BBX: variants seen among roughly 807,000 people sequenced by gnomAD.
The protein encoded by BBX is HMG box transcription factor BBX.
BBX carries 30 observed loss-of-function variants against 100.2 expected under a neutral mutation model. The observed-to-expected ratio is 0.30, with a 90% CI of 0.22 to 0.41. The LOEUF is 0.41. Among genes scored for constraint, BBX ranks in the 10% least tolerant of loss-of-function variants. The pLI is 1.00. For synonymous variants in BBX, 376 were observed against 388.1 expected (o/e 0.97, Z 0.37); for missense variants, 1,023 against 1,129.8 (o/e 0.91, Z 1.35).
intron 15 of BBX, among the ~76,000 whole-genome samples, 197 bp downstream of exon 15, chr3:107,791,496 TGTG>T (rs1472410963): frequency 6.6e-6 from 1 of 152,228 alleles, no homozygotes; most frequent in Non-Finnish European, 1.5e-5. Flanking sequence ...CAATGTGTCA[TGTG>T]GTGTTTAATC....
chr3:107,704,054 TG>T (rs1456407105), intron 3 of BBX, among the ~76,000 whole-genome samples: 1 of 152,216 alleles, frequency 6.6e-6, no homozygotes, highest in African/African-American at 2.4e-5. Flanking sequence ...CTGGGTTTCC[TG>T]GGTCCAGTTC....
At chr3:107,586,320 A>G (rs141995154) in intron 2 of BBX, among the ~76,000 whole-genome samples, 325 of 152,320 alleles carry the variant, frequency 2.1e-3, no homozygotes, top group Non-Finnish European at 3.7e-3. Flanking sequence ...TTTGTTGTAC[A>G]TACGTATTCT....
At chr3:107,600,828 A>G (rs565438327) in intron 2 of BBX, among the ~76,000 whole-genome samples, 3 of 152,274 alleles carry the variant, frequency 2.0e-5, no homozygotes, top group Admixed American at 2.0e-4. Context: ...CCTCTACACC[A>G]CAGAGAGACA....
intron 2 of BBX, among the ~76,000 whole-genome samples, chr3:107,577,125 C>T (rs1172428894): frequency 6.6e-6 from 1 of 152,178 alleles, no homozygotes; most frequent in Non-Finnish European, 1.5e-5. Flanking sequence ...TCCCAAAGTG[C>T]TGGGATTACA....
chr3:107,753,349 C>G (rs1006256802), intron 9 of BBX, among the ~76,000 whole-genome samples: 1 of 152,088 alleles, frequency 6.6e-6, no homozygotes, highest in Admixed American at 6.6e-5. Context: ...AAAAATGTTA[C>G]TGTTAGGAGA....
At chr3:107,627,801 TAAGA>T (rs764961635) in intron 2 of BBX, among the ~76,000 whole-genome samples, 2 of 152,074 alleles carry the variant, frequency 1.3e-5, no homozygotes, top group Admixed American at 1.3e-4. Flanking sequence ...TTATATGTTG[TAAGA>T]AAGAAAGCAT....
intron 2 of BBX, among the ~76,000 whole-genome samples, chr3:107,617,437 T>C (rs2055377546): frequency 6.6e-6 from 1 of 152,174 alleles, no homozygotes; most frequent in Non-Finnish European, 1.5e-5. Flanking sequence ...GATTATAGGA[T>C]GTGTCAAATC....
chr3:107,542,416 T>G (rs959520085), intron 2 of BBX, among the ~76,000 whole-genome samples: 2 of 152,224 alleles, frequency 1.3e-5, no homozygotes, highest in African/African-American at 4.8e-5. Flanking sequence ...AGAAGAGGTT[T>G]GTTGAAGAAT....
intron 2 of BBX, among the ~76,000 whole-genome samples, chr3:107,603,731 C>T (rs2054229686): frequency 6.6e-6 from 1 of 152,136 alleles, no homozygotes; most frequent in Non-Finnish European, 1.5e-5. Context: ...ATTCAGCAAC[C>T]ACCACCTTGA....
intron 10 of BBX, among the ~76,000 whole-genome samples, chr3:107,769,008 G>A (rs915044160): frequency 2.8e-4 from 14 of 50,448 alleles, no homozygotes; most frequent in East Asian, 1.1e-3. Flanking sequence ...GGTGGGGGGC[G>A]GCGGGGGGGG....
At chr3:107,766,485 CA>C (rs2066403958) in intron 10 of BBX, among the ~76,000 whole-genome samples, 1 of 151,902 alleles carries the variant, frequency 6.6e-6, no homozygotes, top group Non-Finnish European at 1.5e-5. Context: ...ATAAAGCCAA[CA>C]AGAAACAAGA....
At chr3:107,582,061 A>C (rs997384381) in intron 2 of BBX, among the ~76,000 whole-genome samples, 3 of 152,052 alleles carry the variant, frequency 2.0e-5, no homozygotes, top group African/African-American at 7.2e-5. Context: ...AACTTTAGGC[A>C]GAAGCAGTTA....
chr3:107,702,380 TTC>T (rs2061130933), intron 3 of BBX, among the ~76,000 whole-genome samples: 1 of 152,272 alleles, frequency 6.6e-6, no homozygotes, highest in Non-Finnish European at 1.5e-5. Context: ...CTTGTTTCTT[TTC>T]TCTCTCCTTT....
intron 2 of BBX, among the ~76,000 whole-genome samples, chr3:107,551,311 A>C (rs2895323): frequency 0.25 from 37,964 of 151,978 alleles, 5,805 homozygotes; most frequent in South Asian, 0.39. Context: ...CCCAGTGACA[A>C]CACTTTGTTG....
rs574091175 is a variant in BBX at position 107,578,454 on chromosome 3, A to G, written c.-84+52056A>G. Among the ~76,000 whole-genome samples the G allele has an allele frequency of 5.3e-5, 8 of 152,330 alleles. No homozygotes were observed. The East Asian group carries it at 1.5e-3, about 29-fold the overall frequency. On this transcript the variant is annotated intron_variant, in intron 2 of 17. Coordinates refer to ENST00000325805, the MANE Select transcript of BBX (RefSeq NM_001142568.3). The stretch of plus-strand genomic sequence containing the variant: ...GTTGAAGCTTCATTTGTCAGTGGGT[A>G]AAGTTATTAGAAACCTATTTCTCAT...
At chr3:107,714,534 A>C (rs2061965848) in intron 4 of BBX, among the ~76,000 whole-genome samples, 1 of 152,198 alleles carries the variant, frequency 6.6e-6, no homozygotes, top group African/African-American at 2.4e-5. Flanking sequence ...TCTTCATCTT[A>C]TATATTAATA....
At chr3:107,721,372 T>G (rs1239297764) in intron 5 of BBX, among the ~76,000 whole-genome samples, 1 of 152,012 alleles carries the variant, frequency 6.6e-6, no homozygotes, top group East Asian at 1.9e-4. Flanking sequence ...TTGTTTTGTT[T>G]TGTTTTTTTT....
At chr3:107,694,698 TGCTG>T (rs1202452005) in intron 3 of BBX, among the ~76,000 whole-genome samples, 1 of 151,334 alleles carries the variant, frequency 6.6e-6, no homozygotes, top group East Asian at 1.9e-4. Context: ...ATCAGGATGA[TGCTG>T]GCCTCATAAA....
chr3:107,776,956 A>T (rs2067368113), intron 12 of BBX, among the ~76,000 whole-genome samples: 1 of 152,132 alleles, frequency 6.6e-6, no homozygotes, highest in Non-Finnish European at 1.5e-5. Context: ...GTTACCCTTT[A>T]TTGCTTTGAC....
Sources: allele counts gnomAD v4.1 joint callset (sites outside exome capture counted in the v4.1 genomes callset), GRCh38; gene constraint gnomAD v4.1.1; transcripts MANE v1.5; gene names NCBI Gene and HGNC (gene_info 2026-07-23, HGNC 2026-07-21).